WRN: variants seen among roughly 807,000 people sequenced by gnomAD.
WRN encodes the protein WRN RecQ like helicase.
A neutral mutation model predicts 180.7 loss-of-function variants in WRN; 149 were observed. The observed-to-expected ratio is 0.82, with a 90% confidence interval of 0.72 to 0.94. WRN has a LOEUF of 0.94. WRN is among the 40% of genes least tolerant of loss of function. The pLI is 0.00. For missense variants in WRN, 1,661 were observed against 1,700.1 expected (o/e 0.98, Z 0.40); for synonymous variants, 548 against 568.9 (o/e 0.96, Z 0.52).
chr8:31,104,782 C>A (rs1801028942), intron 18 of WRN, among the ~76,000 whole-genome samples: 1 of 152,080 alleles, frequency 6.6e-6, no homozygotes, highest in African/African-American at 2.4e-5. Flanking sequence ...TGCGTTTGCC[C>A]CTTTGTTGAA....
intron 18 of WRN, among the ~76,000 whole-genome samples, chr8:31,104,680 G>C (rs189980289): frequency 6.6e-6 from 1 of 152,242 alleles, no homozygotes; most frequent in East Asian, 1.9e-4. Context: ...TTTTGTATAA[G>C]GTGTGAGGTT....
intron 21 of WRN, among the ~76,000 whole-genome samples, chr8:31,121,079 T>C (rs1163095347): frequency 1.3e-5 from 2 of 152,016 alleles, no homozygotes; most frequent in Non-Finnish European, 1.5e-5. Context: ...TTAAGTTCTA[T>C]GAGATTTTTT....
Position 31,064,408 on chromosome 8 carries a change from A to G in WRN, c.329A>G (p.Tyr110Cys). Residue 110 changes from tyrosine (Y) to cysteine (C), a missense_variant, in exon 4 of 35, where the codon TAC (tyrosine) becomes TGC (cysteine). Tyr to Cys is a radical substitution (Grantham distance 194). Around this residue, in one of 3 missense-constraint regions of WRN, gnomAD observed 500 missense variants for 504.1 expected, o/e 0.99. Coordinates refer to ENST00000298139, the MANE Select transcript of WRN (RefSeq NM_000553.6). ...TTGTGTGTTTCTGAGAGCAAATGTT[A>G]CTTGTTCCACGTTTCTTCCATGTCA... ...IQLCVSESKC[Y>C]LFHVSSMSVF... The G allele has an allele frequency of 6.2e-7, 1 of 1,614,120 alleles. No individual in the cohort carries two copies. The highest frequency in any genetic ancestry group is 8.5e-7 in the Non-Finnish European group (1 of 1,180,006).
intron 1 of WRN, among the ~76,000 whole-genome samples, chr8:31,044,408 G>A (rs531585549): frequency 7.4e-6 from 1 of 134,874 alleles, no homozygotes; most frequent in South Asian, 2.4e-4. Flanking sequence ...CCAGGCTGGA[G>A]TGCAATGGCA....
At chr8:31,082,623 A>G (rs1013539670) in intron 9 of WRN, among the ~76,000 whole-genome samples, 11 of 151,620 alleles carry the variant, frequency 7.3e-5, no homozygotes, top group Non-Finnish European at 1.6e-4. Context: ...TTGAGATGGA[A>G]TCTATCTCTG....
At chr8:31,092,506 C>A (rs1035140870) in intron 16 of WRN, among the ~76,000 whole-genome samples, 1 of 151,534 alleles carries the variant, frequency 6.6e-6, no homozygotes, top group African/African-American at 2.4e-5. Flanking sequence ...TATATACATA[C>A]ACACACATAT....
chr8:31,106,576 T>G (rs748626125), intron 18 of WRN, among the ~76,000 whole-genome samples: 51 of 152,274 alleles, frequency 3.3e-4, no homozygotes, highest in Non-Finnish European at 6.6e-4. Context: ...TTCCTCTCCC[T>G]GAATACGTTT....
At chr8:31,132,253 GT>G in intron 23 of WRN, 111 bp from the exon 24 acceptor site, 1 of 1,311,152 alleles carries the variant, frequency 7.6e-7, no homozygotes, top group Non-Finnish European at 1.0e-6. Flanking sequence ...TTCTGAAGCA[GT>G]TGGCACATTT....
intron 14 of WRN, 39 bp from the exon 15 acceptor site, chr8:31,090,794 TA>T: frequency 1.3e-6 from 2 of 1,484,194 alleles, no homozygotes; most frequent in Non-Finnish European, 1.8e-6. Context: ...TTTATTTCTA[TA>T]TTTTTTTCAT....
At chr8:31,165,594 C>A (rs1803825196) in intron 33 of WRN, among the ~76,000 whole-genome samples, 1 of 151,804 alleles carries the variant, frequency 6.6e-6, no homozygotes, top group Non-Finnish European at 1.5e-5. Flanking sequence ...TGTAATAAGC[C>A]TTTGTAATCA....
chr8:31,131,454 C>G (rs1283291076), intron 23 of WRN: 1 of 152,446 alleles, frequency 6.6e-6, no homozygotes, highest in East Asian at 1.9e-4. Context: ...CTGCGCCTGG[C>G]CAAATTGTAG....
rs1180622602 is a variant in WRN, at chr8:31,120,436, T to G, written c.2630+12T>G. ...ATTAACTTAAATAGGTAAAAAAAAT[T>G]TATTGTTTTTACTCTTGCAGATTTC... On this transcript the variant is annotated intron_variant, in intron 21 of 34. Transcript: ENST00000298139. The G allele has an allele frequency of 1.2e-6, 2 of 1,608,150 alleles. No homozygotes were observed. Among genetic ancestry groups the G allele is most frequent in the South Asian group, 1.1e-5 (1 of 90,524 alleles).
intron 20 of WRN, among the ~76,000 whole-genome samples, chr8:31,118,498 A>C (rs1425292477): frequency 6.6e-6 from 1 of 151,980 alleles, no homozygotes; most frequent in Non-Finnish European, 1.5e-5. Flanking sequence ...TAGAATAGTC[A>C]GGTGTTCTTG....
At chr8:31,141,837 AATT>A (rs1271157723) in intron 26 of WRN, 62 bp downstream of exon 26, 27 of 1,493,906 alleles carry the variant, frequency 1.8e-5, no homozygotes, top group Admixed American at 5.3e-5. Context: ...ATGTGATTCA[AATT>A]ATACCAGTTT....
chr8:31,059,387 A>T, intron 3 of WRN, 122 bp downstream of exon 3: 2 of 755,790 alleles, frequency 2.6e-6, no homozygotes, highest in Non-Finnish European at 4.6e-6. Flanking sequence ...AATTATTTCT[A>T]TGTATACACT....
intron 32 of WRN, among the ~76,000 whole-genome samples, 195 bp from the exon 33 acceptor site, chr8:31,157,173 A>G (rs1406063000): frequency 6.6e-6 from 1 of 152,230 alleles, no homozygotes; most frequent in Non-Finnish European, 1.5e-5. Context: ...AATAAGTATA[A>G]AAAGTAGAAC....
chr8:31,062,740 T>C lies in WRN; in HGVS notation c.210-1549T>C, dbSNP rs556405925. ...TTTTCTTCAGTTCTTTATTAAGAAA[T>C]GAAACAGTAAAATACAGCTGAAGCC... On this transcript the variant is annotated intron_variant, in intron 3 of 34. Transcript: ENST00000298139. Among the ~76,000 whole-genome samples, 94 of 152,254 alleles carry C rather than the reference T, an allele frequency of 6.2e-4. 1 individual carries two copies. The highest frequency in any genetic ancestry group is 2.0e-3 in the Admixed American group (30 of 15,278).
At chr8:31,072,570 C>T (rs554165206) in intron 7 of WRN, among the ~76,000 whole-genome samples, 15 of 152,096 alleles carry the variant, frequency 9.9e-5, no homozygotes, top group African/African-American at 1.7e-4. Context: ...TGGCCTCAAG[C>T]GATCCTCCTG....
chr8:31,167,345 CTA>C, intron 34 of WRN, 115 bp downstream of exon 34: 3 of 849,850 alleles, frequency 3.5e-6, no homozygotes, highest in Non-Finnish European at 5.5e-6. Flanking sequence ...ATTACTTTCT[CTA>C]TGTGCTACAT....
Sources: gnomAD v4.1 joint callset for allele counts (sites outside exome capture counted in the v4.1 genomes callset) on GRCh38, gnomAD v4.1.1 for gene constraint, gnomAD v4.1.1 regional missense constraint, MANE v1.5 for transcripts, NCBI Gene and HGNC (gene_info 2026-07-23, HGNC 2026-07-21) for gene names.